Variants in GAREM1 observed in about 807,000 individuals in gnomAD.
GAREM1 encodes GRB2 associated regulator of MAPK1 subtype 1.
In GAREM1, 26 loss-of-function variants were observed where a neutral mutation model predicts 71.3. That is an observed-to-expected ratio of 0.36 (90% CI 0.27 to 0.51). The LOEUF (loss-of-function observed/expected upper bound fraction) is 0.51, where lower values mean the gene tolerates loss of function less well. Ranked by LOEUF, GAREM1 falls within the 20% of genes least tolerant of loss-of-function variation. The pLI, the probability that GAREM1 is intolerant of heterozygous loss-of-function variation, is 0.95. For missense variants in GAREM1, 1,026 were observed against 1,103.1 expected (o/e 0.93, Z 0.99); for synonymous variants, 440 against 433.2 (o/e 1.02, Z -0.20).
chr18:32,443,331 C>G (rs1038839951), intron 1 of GAREM1, among the ~76,000 whole-genome samples: 1 of 151,942 alleles, frequency 6.6e-6, no homozygotes, highest in Admixed American at 6.6e-5. Flanking sequence ...TCAAAGGATA[C>G]CATCAAGAAA....
intron 1 of GAREM1, among the ~76,000 whole-genome samples, chr18:32,422,593 G>A (rs2048530022): frequency 6.6e-6 from 1 of 152,290 alleles, no homozygotes; most frequent in South Asian, 2.1e-4. Flanking sequence ...TTCAGGATGA[G>A]AGCTTTACTA....
chr18:32,361,783 A>G (rs1283335971), intron 2 of GAREM1, among the ~76,000 whole-genome samples: 1 of 152,216 alleles, frequency 6.6e-6, no homozygotes, highest in Non-Finnish European at 1.5e-5. Flanking sequence ...CATTAAATCA[A>G]CATCAAGAGG....
At chr18:32,312,318 G>A (rs761982362) in intron 2 of GAREM1, among the ~76,000 whole-genome samples, 2 of 152,132 alleles carry the variant, frequency 1.3e-5, no homozygotes, top group South Asian at 2.1e-4. Flanking sequence ...GAGAAGGACC[G>A]GCCAGGGGAG....
intron 1 of GAREM1, among the ~76,000 whole-genome samples, chr18:32,465,132 C>T (rs1479327541): frequency 8.5e-5 from 13 of 152,104 alleles, no homozygotes; most frequent in Admixed American, 3.9e-4. Flanking sequence ...AATTATCATT[C>T]CCCCCACCCT....
chr18:32,297,433 T>C (rs989454740), intron 3 of GAREM1, among the ~76,000 whole-genome samples: 3 of 152,242 alleles, frequency 2.0e-5, no homozygotes, highest in Non-Finnish European at 2.9e-5. Context: ...AGGCTCTCAA[T>C]AAATGGAGGC....
At chr18:32,335,789 A>C (rs936977519) in intron 2 of GAREM1, among the ~76,000 whole-genome samples, 7 of 152,254 alleles carry the variant, frequency 4.6e-5, no homozygotes, top group African/African-American at 1.2e-4. Context: ...CTTTAGATGC[A>C]TGATTTCCTG....
At chr18:32,296,859 A>T (rs1424147125) in intron 3 of GAREM1, among the ~76,000 whole-genome samples, 1 of 151,896 alleles carries the variant, frequency 6.6e-6, no homozygotes, top group Non-Finnish European at 1.5e-5. Flanking sequence ...CAGTTATTTT[A>T]TTCTCTTGAC....
intron 1 of GAREM1, among the ~76,000 whole-genome samples, chr18:32,452,641 T>C (rs977522962): frequency 1.3e-5 from 2 of 152,196 alleles, no homozygotes; most frequent in Non-Finnish European, 2.9e-5. Context: ...TCTGAACTCC[T>C]TGAGGATGAG....
chr18:32,369,926 C>G (rs1351382838), intron 2 of GAREM1, among the ~76,000 whole-genome samples: 3 of 152,192 alleles, frequency 2.0e-5, no homozygotes, highest in Non-Finnish European at 4.4e-5. Flanking sequence ...TCATTTTCTT[C>G]AACTGTGAGG....
chr18:32,326,203 C>T (rs759247449), intron 2 of GAREM1, among the ~76,000 whole-genome samples: 4 of 152,106 alleles, frequency 2.6e-5, no homozygotes, highest in Non-Finnish European at 4.4e-5. Flanking sequence ...TCACTGCCAC[C>T]GGGTTGGAGA....
chr18:32,401,424 C>T (rs2048314787), intron 1 of GAREM1, among the ~76,000 whole-genome samples: 1 of 151,178 alleles, frequency 6.6e-6, no homozygotes, highest in Admixed American at 6.6e-5. Context: ...TAAGTACTTA[C>T]TATGTTCCAG....
intron 1 of GAREM1, among the ~76,000 whole-genome samples, chr18:32,393,817 T>C (rs1383708620): frequency 6.6e-6 from 1 of 152,194 alleles, no homozygotes; most frequent in Admixed American, 6.5e-5. Flanking sequence ...TTAAAAGATG[T>C]TTTTCTAGAT....
At position 32,287,011 on chromosome 18, in the gene GAREM1, C is replaced by CA. The variant is rs778965699; in HGVS notation, c.1566+19dup. On this transcript the variant is annotated intron_variant, in intron 4 of 5. Coordinates refer to ENST00000269209, the MANE Select transcript of GAREM1 (RefSeq NM_001242409.2). The surrounding 1 kb of genome is among the most constrained non-coding windows in gnomAD (Gnocchi z 5.9). ...GAGACAGAAAGACTGGCACCGCATT[C>CA]AAAAACAGAAATGACTTACGGCTTC... 2 of 1,577,526 alleles carry CA rather than the reference C, an allele frequency of 1.3e-6. No individual in the cohort carries two copies. The highest frequency in any genetic ancestry group is 1.1e-5 in the South Asian group (1 of 89,132).
intron 1 of GAREM1, among the ~76,000 whole-genome samples, chr18:32,448,513 G>A (rs2048804404): frequency 6.6e-6 from 1 of 152,176 alleles, no homozygotes; most frequent in Non-Finnish European, 1.5e-5. Flanking sequence ...GCACTCCTCA[G>A]TTACAGGAAA....
At chr18:32,298,276 G>A (rs2047163531) in intron 3 of GAREM1, among the ~76,000 whole-genome samples, 1 of 152,118 alleles carries the variant, frequency 6.6e-6, no homozygotes, top group African/African-American at 2.4e-5. Context: ...CTAACGTACT[G>A]ACCAATTTTG....
chr18:32,275,414 T>C (rs575935074), intron 4 of GAREM1, among the ~76,000 whole-genome samples: 2 of 152,240 alleles, frequency 1.3e-5, no homozygotes, highest in East Asian at 1.9e-4. Flanking sequence ...AGAGCTGGCG[T>C]TCTGTTTTGA....
In GAREM1 at chr18:32,392,919, T is replaced by G. The variant is rs1194265174; in HGVS notation, c.238A>C (p.Ile80Leu). ...EEGHYVIGPK[I>L]EIPVHYAGQF... ...CCTGCATAATGTACCGGAATCTCTA[T>G]CTTTGGCCCAATGACATAGTGACCC... Residue 80 changes from isoleucine to leucine, a missense_variant, in exon 2 of 6, where the codon ATA becomes CTA. Around this residue, in one of 3 missense-constraint regions of GAREM1, gnomAD observed 172 missense variants for 175.2 expected, o/e 0.98. Coordinates refer to ENST00000269209, the MANE Select transcript of GAREM1 (RefSeq NM_001242409.2). 1 of 1,613,730 alleles carries G rather than the reference T, an allele frequency of 6.2e-7. No individual in the cohort carries two copies. The highest frequency in any genetic ancestry group is 8.5e-7 in the Non-Finnish European group (1 of 1,179,866).
At chr18:32,364,000 AT>A (rs2047894308) in intron 2 of GAREM1, among the ~76,000 whole-genome samples, 1 of 31,234 alleles carries the variant, frequency 3.2e-5, no homozygotes, top group African/African-American at 2.1e-4. Flanking sequence ...ATATACATAT[AT>A]ATATATATAT....
rs78161338 is a variant in GAREM1, at chr18:32,414,214, C to A, written c.122-21179G>T. 7.8e-4 allele frequency among the ~76,000 whole-genome samples: 118 copies of A among 152,178 alleles called. 1 individual carries two copies. The highest frequency in any genetic ancestry group is 2.3e-3 in the African/African-American group (97 of 41,550). ...ACAATGACAAAATAAGGGATCAGTA[C>A]AGCTTGGCTCAATAAATGTAAGGAC... On this transcript the variant is annotated intron_variant, in intron 1 of 5. Coordinates refer to ENST00000269209, the MANE Select transcript of GAREM1 (RefSeq NM_001242409.2).
Sources: allele counts gnomAD v4.1 joint callset (sites outside exome capture counted in the v4.1 genomes callset), GRCh38; gene constraint gnomAD v4.1.1; regional missense constraint gnomAD v4.1.1; non-coding constraint Gnocchi (gnomAD v3.1); transcripts MANE v1.5; gene names NCBI Gene and HGNC (gene_info 2026-07-23, HGNC 2026-07-21).